The following PLAAT5 variants were observed in gnomAD, a reference collection of about 807,000 sequenced individuals.
PLAAT5 encodes the protein phospholipase A and acyltransferase 5.
In PLAAT5, 27 loss-of-function variants were observed where a neutral mutation model predicts 27.8. The ratio of observed to expected loss-of-function variants is 0.97; its 90% CI spans 0.72 to 1.34. PLAAT5 has a LOEUF of 1.34. PLAAT5 is among the 40% of genes most tolerant of loss of function. PLAAT5 has a pLI of 0.00. For missense variants in PLAAT5, 368 were observed against 343.8 expected (o/e 1.07, Z -0.56); for synonymous variants, 125 against 136.1 (o/e 0.92, Z 0.57).
chr11:63,463,333 A>G lies in PLAAT5; in HGVS notation c.*170T>C. The G allele has an allele frequency of 1.5e-6, 1 of 655,220 alleles. No homozygotes were observed. The highest frequency in any genetic ancestry group is 2.8e-6 in the Non-Finnish European group (1 of 362,048). The allele number at this position is 655,220 out of a possible 1,614,324, so 40.6% of individuals were successfully genotyped here. A position where few individuals can be genotyped will look rare whatever the true frequency, so the allele number is the denominator to read the frequency against. ...TCCCATCCTGAGAGTCTGTGGGTCT[A>G]TGCTCGTATATATTGGATGTATTTC... On this transcript the variant is annotated 3_prime_UTR_variant, in exon 6 of 6. Coordinates refer to ENST00000540857, the MANE Select transcript of PLAAT5 (RefSeq NM_001146729.2).
intron 1 of PLAAT5, chr11:63,490,624 G>C (rs1478172280): frequency 3.3e-6 from 2 of 607,586 alleles, no homozygotes; most frequent in African/African-American, 3.7e-5. Flanking sequence ...CCTCTGCCGA[G>C]CCAGAGCCGG....
chr11:63,470,095 A>AC (rs200953471), intron 3 of PLAAT5: 5,597 of 152,900 alleles, frequency 0.037, 354 homozygotes, highest in African/African-American at 0.13. Context: ...ATCTCAAAAA[A>AC]AAAAAAAGAA....
At position 63,461,423 on chromosome 11, in the gene PLAAT5, A is replaced by C. The variant is rs1181617424; in HGVS notation, c.*2080T>G. On this transcript the variant is annotated 3_prime_UTR_variant, in exon 6 of 6. Coordinates refer to ENST00000540857, the MANE Select transcript of PLAAT5 (RefSeq NM_001146729.2). ...CACACAAACAAGTGACTAGTGTTTA[A>C]TCTCAGAAACATTTGCATTCAGAGT... is the stretch of plus-strand genomic sequence containing the variant. The C allele has an allele frequency of 6.6e-6, 1 of 152,218 alleles. No individual in the cohort carries two copies. Among genetic ancestry groups the C allele is most frequent in the Non-Finnish European group, 1.5e-5 (1 of 68,042 alleles). The allele number at this position is 152,218 out of a possible 1,614,324, so 9.4% of individuals were successfully genotyped here. A position where few individuals can be genotyped will look rare whatever the true frequency, so the allele number is the denominator to read the frequency against.
chr11:63,483,801 G>GTGTATATATATA (rs1402287266), intron 3 of PLAAT5, among the ~76,000 whole-genome samples: 4 of 24,160 alleles, frequency 1.7e-4, no homozygotes, highest in Non-Finnish European at 3.3e-4. Context: ...ATATATATAT[G>GTGTATATATATA]TATATATATA....
intron 3 of PLAAT5, among the ~76,000 whole-genome samples, chr11:63,476,181 T>C (rs553466649): frequency 6.6e-6 from 1 of 152,282 alleles, no homozygotes; most frequent in Non-Finnish European, 1.5e-5. Flanking sequence ...ATATTTATTA[T>C]ATATTTGCAT....
At chr11:63,490,398 G>C in intron 1 of PLAAT5, 65 bp from the exon 2 acceptor site, 1 of 1,611,726 alleles carries the variant, frequency 6.2e-7, no homozygotes, top group South Asian at 1.1e-5. Flanking sequence ...CACCTTGACC[G>C]CTACGGAGAG....
intron 3 of PLAAT5, among the ~76,000 whole-genome samples, chr11:63,483,787 AT>A (rs2016350149): frequency 8.2e-5 from 6 of 72,750 alleles, no homozygotes; most frequent in East Asian, 4.9e-4. Context: ...AAAAAAAAAT[AT>A]ATATATATAT....
At position 63,466,215 on chromosome 11, in the gene PLAAT5, C is replaced by T. The variant is rs552284741; in HGVS notation, c.612G>A (p.Gln204=). 3 of 1,614,142 alleles carry T rather than the reference C, an allele frequency of 1.9e-6. No individual in the cohort carries two copies. Among genetic ancestry groups the T allele is most frequent in the Non-Finnish European group, 2.5e-6 (3 of 1,180,028 alleles). The change falls in exon 5 of 6, where the codon CAG becomes CAA. Residue 204 remains glutamine, a synonymous_variant. Transcript: ENST00000540857. ...TCTTGTTGACCATCTTTTTTGTACGCTGGATGATCTTGTCCACCGGCAAGG... is the reference window on the plus strand; with the variant it reads ...TCTTGTTGACCATCTTTTTTGTACGTTGGATGATCTTGTCCACCGGCAAGG... The part of the protein sequence containing the change: ...YLPLPVDKII[Q]RTKKMVNKIV...
At chr11:63,471,579 A>G (rs528187730) in intron 3 of PLAAT5, among the ~76,000 whole-genome samples, 6 of 152,330 alleles carry the variant, frequency 3.9e-5, no homozygotes, top group African/African-American at 1.4e-4. Flanking sequence ...AAGGTGCGCA[A>G]TGAAAATCTA....
chr11:63,487,493 T>C (rs1239927703), intron 3 of PLAAT5, among the ~76,000 whole-genome samples: 1 of 152,048 alleles, frequency 6.6e-6, no homozygotes, highest in African/African-American at 2.4e-5. Flanking sequence ...ATACAACCAC[T>C]GTGGAAAACA....
intron 3 of PLAAT5, among the ~76,000 whole-genome samples, chr11:63,480,789 C>A (rs1310746148): frequency 6.6e-6 from 1 of 152,174 alleles, no homozygotes; most frequent in African/African-American, 2.4e-5. Flanking sequence ...TCATGAAGTT[C>A]TGCTAACTTC....
intron 3 of PLAAT5, among the ~76,000 whole-genome samples, chr11:63,487,392 C>T (rs1299383389): frequency 1.3e-5 from 2 of 152,100 alleles, no homozygotes; most frequent in Non-Finnish European, 2.9e-5. Flanking sequence ...ACCTACACAT[C>T]TATTAAAATA....
intron 3 of PLAAT5, among the ~76,000 whole-genome samples, chr11:63,473,717 T>G (rs2016086679): frequency 6.6e-6 from 1 of 151,008 alleles, no homozygotes; most frequent in Non-Finnish European, 1.5e-5. Flanking sequence ...TTTTTTTTTT[T>G]TTTTTGGTTT....
At chr11:63,478,286 AC>A (rs921305247) in intron 3 of PLAAT5, among the ~76,000 whole-genome samples, 2 of 151,310 alleles carry the variant, frequency 1.3e-5, no homozygotes, top group Non-Finnish European at 2.9e-5. Context: ...CTAAAACACT[AC>A]AGACTTCCAC....
intron 1 of PLAAT5, 84 bp from the exon 2 acceptor site, chr11:63,490,417 G>A (rs1391355633): frequency 1.2e-6 from 2 of 1,608,160 alleles, no homozygotes; most frequent in African/African-American, 2.7e-5. Context: ...AGTGGGCTCA[G>A]AGCTCTAGTC....
intron 3 of PLAAT5, among the ~76,000 whole-genome samples, chr11:63,481,546 G>T (rs1383409452): frequency 6.6e-6 from 1 of 152,186 alleles, no homozygotes; most frequent in Non-Finnish European, 1.5e-5. Flanking sequence ...TGGCAACCCA[G>T]CTCTGGCCCT....
intron 3 of PLAAT5, among the ~76,000 whole-genome samples, chr11:63,479,649 T>C (rs2016237389): frequency 6.6e-6 from 1 of 152,160 alleles, no homozygotes; most frequent in Non-Finnish European, 1.5e-5. Flanking sequence ...GCTGAGGCCA[T>C]TTCTGCTATT....
chr11:63,479,159 G>A (rs1008474619), intron 3 of PLAAT5, among the ~76,000 whole-genome samples: 2 of 152,232 alleles, frequency 1.3e-5, no homozygotes, highest in East Asian at 3.8e-4. Context: ...TGAGTGCTAC[G>A]AGTTGGGAAG....
chr11:63,480,292 G>A (rs1447531232), intron 3 of PLAAT5, among the ~76,000 whole-genome samples: 1 of 152,172 alleles, frequency 6.6e-6, no homozygotes, highest in East Asian at 1.9e-4. Flanking sequence ...TTCATTGTGA[G>A]GCCAATCTAA....
Sources: gnomAD v4.1 joint callset for allele counts (sites outside exome capture counted in the v4.1 genomes callset) on GRCh38, gnomAD v4.1.1 for gene constraint, MANE v1.5 for transcripts, NCBI Gene and HGNC (gene_info 2026-07-23, HGNC 2026-07-21) for gene names.